The following DMXL1 variants were observed in gnomAD, a reference collection of about 807,000 sequenced individuals.
DMXL1 encodes dmX-like protein 1.
DMXL1 carries 99 observed loss-of-function variants against 319.2 expected under a neutral mutation model. The ratio of observed to expected loss-of-function variants is 0.31; its 90% confidence interval spans 0.26 to 0.37. DMXL1 has a LOEUF of 0.37. Ranked by LOEUF, DMXL1 falls within the 10% of genes least tolerant of loss-of-function variation. The pLI is 1.00. For synonymous variants in DMXL1, 1,385 were observed against 1,235.2 expected (o/e 1.12, Z -2.54); for missense variants, 3,745 against 3,595.6 (o/e 1.04, Z -1.06).
At chr5:119,093,569 A>C (rs1755277483) in intron 1 of DMXL1, among the ~76,000 whole-genome samples, 1 of 152,238 alleles carries the variant, frequency 6.6e-6, no homozygotes, top group Non-Finnish European at 1.5e-5. Context: ...AATTATGAAT[A>C]GTGACAACCC....
chr5:119,110,439 C>A (rs1164839145), intron 5 of DMXL1, among the ~76,000 whole-genome samples, 156 bp downstream of exon 5: 6 of 152,094 alleles, frequency 3.9e-5, no homozygotes, highest in African/African-American at 1.4e-4. Flanking sequence ...TTCTCTATTT[C>A]CCGTGTTCTA....
intron 28 of DMXL1, among the ~76,000 whole-genome samples, chr5:119,181,100 C>T (rs1166489703): frequency 6.6e-6 from 1 of 151,976 alleles, no homozygotes; most frequent in Non-Finnish European, 1.5e-5. Flanking sequence ...TACTTTTGCA[C>T]CAATCTTATT....
intron 38 of DMXL1, among the ~76,000 whole-genome samples, chr5:119,225,866 C>T (rs1785454216): frequency 6.6e-6 from 1 of 151,994 alleles, no homozygotes; most frequent in Non-Finnish European, 1.5e-5. Flanking sequence ...AACTAAAAAG[C>T]AGTCATGAAG....
chr5:119,086,193 A>G (rs1295094518), intron 1 of DMXL1, among the ~76,000 whole-genome samples: 1 of 152,146 alleles, frequency 6.6e-6, no homozygotes, highest in Non-Finnish European at 1.5e-5. Flanking sequence ...CCCCTTATGA[A>G]ACCATCAGAT....
At chr5:119,217,200 T>C (rs939384061) in intron 35 of DMXL1, among the ~76,000 whole-genome samples, 3 of 152,172 alleles carry the variant, frequency 2.0e-5, no homozygotes, top group East Asian at 1.9e-4. Flanking sequence ...TACATAATGT[T>C]TTATTACTAT....
Position 119,164,576 on chromosome 5 carries a change from C to T in DMXL1, c.4772C>T (p.Pro1591Leu), listed in dbSNP as rs753126722. 1.1e-5 allele frequency: 18 copies of T among 1,614,124 alleles called. No individual in the cohort carries two copies. Among genetic ancestry groups the T allele is most frequent in the Non-Finnish European group, 8.5e-7 (1 of 1,179,988 alleles). Residue 1591 changes from proline to leucine, a missense_variant, in exon 20 of 44, where the codon CCA becomes CTA. Pro to Leu is a moderately conservative substitution (Grantham distance 98). Around this residue, in one of 4 missense-constraint regions of DMXL1, gnomAD observed 2,096 missense variants for 1,985.4 expected, o/e 1.06. Transcript: ENST00000539542. ...GAAGAAGAACTGCTGAACATGTTGC[C>T]AGCCATGCAGAAAGATGATCCCACT... ...VAEEELLNML[P>L]AMQKDDPTWS...
At position 119,248,330 on chromosome 5, in the gene DMXL1, T is replaced by A. The variant is rs1790099787; in HGVS notation, c.*1111T>A. ...TAAACTAAACCTTATATTTTATTTT[T>A]GCCAAAATATTTTATTATAAAATAT... is the stretch of plus-strand genomic sequence containing the variant. On this transcript the variant is annotated 3_prime_UTR_variant, in exon 44 of 44. Transcript: ENST00000539542. 6.6e-6 allele frequency: 1 copy of A among 152,498 alleles called. No individual in the cohort carries two copies. Among genetic ancestry groups the A allele is most frequent in the Non-Finnish European group, 1.5e-5 (1 of 67,934 alleles). 9.4% of individuals were successfully genotyped at this position (152,498 alleles called of 1,614,324 possible). A position where few individuals can be genotyped will look rare whatever the true frequency, so the allele number is the denominator to read the frequency against.
chr5:119,142,051 C>G (rs1278486985), intron 13 of DMXL1, among the ~76,000 whole-genome samples: 1 of 152,102 alleles, frequency 6.6e-6, no homozygotes, highest in Non-Finnish European at 1.5e-5. Context: ...GCAGAATTGG[C>G]TAGCCATATG....
chr5:119,180,968 C>T (rs984664525), intron 28 of DMXL1, among the ~76,000 whole-genome samples: 1 of 152,164 alleles, frequency 6.6e-6, no homozygotes, highest in Non-Finnish European at 1.5e-5. Context: ...TACATTCTTA[C>T]TAGCCATCAG....
chr5:119,155,577 C>T lies in DMXL1; in HGVS notation c.4702+3541C>T, dbSNP rs1416675345. 2.0e-5 allele frequency among the ~76,000 whole-genome samples: 3 copies of T among 152,092 alleles called. No individual in the cohort carries two copies. In the East Asian group the frequency reaches 5.8e-4, roughly 29 times the overall value. ...AGCAGAGCCAGGCACGATGGCTCATCCCTGTAATCTCAACACTTTGGGATA... is the reference window on the plus strand; with the variant it reads ...AGCAGAGCCAGGCACGATGGCTCATTCCTGTAATCTCAACACTTTGGGATA... On this transcript the variant is annotated intron_variant, in intron 19 of 43. Transcript: ENST00000539542.
chr5:119,089,293 T>TATATGCA (rs70982466), intron 1 of DMXL1, among the ~76,000 whole-genome samples: 12 of 25,342 alleles, frequency 4.7e-4, no homozygotes, highest in East Asian at 0.011. Flanking sequence ...TATATATATA[T>TATATGCA]TTTTTTTTTT....
chr5:119,120,016 G>A (rs1761697092), intron 8 of DMXL1, among the ~76,000 whole-genome samples: 1 of 151,902 alleles, frequency 6.6e-6, no homozygotes, highest in Admixed American at 6.6e-5. Context: ...GAGTAGCTGG[G>A]ATTACAGGTG....
chr5:119,105,517 T>C (rs1468766781), intron 4 of DMXL1, among the ~76,000 whole-genome samples: 1 of 152,204 alleles, frequency 6.6e-6, no homozygotes, highest in African/African-American at 2.4e-5. Flanking sequence ...AATTAACGTT[T>C]CATTGAAAAG....
At chr5:119,162,809 A>G (rs1374055938) in intron 19 of DMXL1, among the ~76,000 whole-genome samples, 1 of 152,238 alleles carries the variant, frequency 6.6e-6, no homozygotes, top group African/African-American at 2.4e-5. Flanking sequence ...TTTGATTTAG[A>G]ATAATAGTCC....
chr5:119,150,390 T>C lies in DMXL1; in HGVS notation c.4563T>C (p.Thr1521=). The C allele has an allele frequency of 6.2e-7, 1 of 1,613,170 alleles. No individual in the cohort carries two copies. The highest frequency in any genetic ancestry group is 8.5e-7 in the Non-Finnish European group (1 of 1,179,580). Residue 1521 remains threonine (T), a synonymous_variant, in exon 18 of 44, where the codon ACT becomes ACC. Coordinates refer to ENST00000539542, the MANE Select transcript of DMXL1 (RefSeq NM_001290321.3). Reference sequence around the variant, plus strand: ...CAGATACAATTGCAACTACAAGCACTGATATTGGAGAAAGCCGAGACAGAA... The same window carrying C: ...CAGATACAATTGCAACTACAAGCACCGATATTGGAGAAAGCCGAGACAGAA... ...ALADTIATTS[T]DIGESRDRSQ...
At position 119,120,973 on chromosome 5, in the gene DMXL1, A is replaced by G. The variant is rs760198646; in HGVS notation, c.936A>G (p.Val312=). The change falls in exon 9 of 44, where the codon GTA becomes GTG. Residue 312 remains valine, a splice_region_variant and synonymous_variant. Coordinates refer to ENST00000539542, the MANE Select transcript of DMXL1 (RefSeq NM_001290321.3). ...TAGTTTTGTTTCTATTCACACAGGT[A>G]AATCTGAGACATTTTCGTAGAGGTC... ...SKERVQNALE[V]NLRHFRRGRR... The G allele has an allele frequency of 6.2e-7, 1 of 1,607,440 alleles. No individual in the cohort carries two copies. The highest frequency in any genetic ancestry group is 1.7e-4 in the Middle Eastern group (1 of 6,044).
At chr5:119,241,860 A>G (rs576708428) in intron 42 of DMXL1, among the ~76,000 whole-genome samples, 150 of 152,322 alleles carry the variant, frequency 9.8e-4, no homozygotes, top group African/African-American at 2.9e-3. Context: ...CATTTTAAGT[A>G]TATACTCGCA....
At chr5:119,186,098 A>G (rs992212988) in intron 28 of DMXL1, among the ~76,000 whole-genome samples, 1 of 152,194 alleles carries the variant, frequency 6.6e-6, no homozygotes, top group African/African-American at 2.4e-5. Flanking sequence ...TTAAACTTGC[A>G]TGACTTTTAT....
At chr5:119,233,524 C>T (rs997036348) in intron 39 of DMXL1, 57 bp downstream of exon 39, 25 of 1,503,396 alleles carry the variant, frequency 1.7e-5, no homozygotes, top group Middle Eastern at 2.0e-4. Flanking sequence ...TTTATAAATT[C>T]CACTAGTTTG....
Sources: allele counts gnomAD v4.1 joint callset (sites outside exome capture counted in the v4.1 genomes callset), GRCh38; gene constraint gnomAD v4.1.1; regional missense constraint gnomAD v4.1.1; transcripts MANE v1.5; gene names NCBI Gene and HGNC (gene_info 2026-07-23, HGNC 2026-07-21).